SCHIP1: variants seen among roughly 807,000 people sequenced by gnomAD.
SCHIP1 encodes the protein schwannomin interacting protein 1, also known as schwannomin-interacting protein 1.
Under a neutral mutation model 29.7 loss-of-function variants are expected in SCHIP1, and 8 were observed. The observed-to-expected ratio is 0.27, with a 90% CI of 0.16 to 0.49. The LOEUF (loss-of-function observed/expected upper bound fraction) is 0.49, where lower values mean the gene tolerates loss of function less well. SCHIP1 is among the 20% of genes least tolerant of loss of function. SCHIP1 has a pLI of 0.99. For synonymous variants in SCHIP1, 76 were observed against 94.9 expected (o/e 0.80, Z 1.16); for missense variants, 193 against 294.6 (o/e 0.66, Z 2.52).
chr3:159,563,040 T>A, the SCHIP1 span, among the ~76,000 whole-genome samples: 1 of 152,314 alleles, frequency 6.6e-6, no homozygotes, highest in Non-Finnish European at 1.5e-5. Flanking sequence ...GTGTTTGACA[T>A]CTTTAGATAT....
chr3:159,465,315 T>TTG, the SCHIP1 span, among the ~76,000 whole-genome samples: 39,746 of 148,216 alleles, frequency 0.27, 5,233 homozygotes, highest in East Asian at 0.34. Flanking sequence ...ATGTGTATGA[T>TTG]TGTGTGTGTG....
chr3:159,617,173 G>C, the SCHIP1 span, among the ~76,000 whole-genome samples: 1 of 152,298 alleles, frequency 6.6e-6, no homozygotes, highest in East Asian at 1.9e-4. Flanking sequence ...GAGAGCTAGA[G>C]ATATCTGGTA....
the SCHIP1 span, among the ~76,000 whole-genome samples, chr3:159,508,818 C>T: frequency 0.52 from 79,400 of 151,856 alleles, 21,048 homozygotes; most frequent in East Asian, 0.68. Flanking sequence ...TTTGATTGCA[C>T]TGTGGTCTGA....
At chr3:159,766,701 T>G in the SCHIP1 span, among the ~76,000 whole-genome samples, 1 of 152,174 alleles carries the variant, frequency 6.6e-6, no homozygotes, top group African/African-American at 2.4e-5. Flanking sequence ...ACAAATTGTT[T>G]TTGAGCACCC....
chr3:159,640,806 T>C, the SCHIP1 span, among the ~76,000 whole-genome samples: 2 of 152,132 alleles, frequency 1.3e-5, no homozygotes, highest in South Asian at 4.1e-4. Flanking sequence ...TGGGGATTGA[T>C]AGATGCTGTG....
At chr3:159,679,660 A>AT in the SCHIP1 span, among the ~76,000 whole-genome samples, 1 of 151,924 alleles carries the variant, frequency 6.6e-6, no homozygotes. Flanking sequence ...AGGGAGGGGG[A>AT]TTTTTTAACT....
chr3:159,436,994 C>T, the SCHIP1 span, among the ~76,000 whole-genome samples: 1 of 152,116 alleles, frequency 6.6e-6, no homozygotes, highest in East Asian at 1.9e-4. Flanking sequence ...TTATAGATGC[C>T]CAATTACTGA....
At chr3:159,623,208 A>G in the SCHIP1 span, among the ~76,000 whole-genome samples, 1 of 152,224 alleles carries the variant, frequency 6.6e-6, no homozygotes, top group African/African-American at 2.4e-5. Context: ...TATACTATAG[A>G]TATAATTGTG....
chr3:159,758,432 T>C, the SCHIP1 span, among the ~76,000 whole-genome samples: 1 of 152,210 alleles, frequency 6.6e-6, no homozygotes, highest in African/African-American at 2.4e-5. Flanking sequence ...ATTACAGGCG[T>C]GAGCCACCAC....
chr3:159,380,455 A>G, the SCHIP1 span, among the ~76,000 whole-genome samples: 3 of 152,198 alleles, frequency 2.0e-5, no homozygotes, highest in African/African-American at 7.2e-5. Flanking sequence ...GGTCAGATAG[A>G]ACTTATTTCT....
At chr3:159,474,649 G>C in the SCHIP1 span, among the ~76,000 whole-genome samples, 1 of 152,100 alleles carries the variant, frequency 6.6e-6, no homozygotes, top group Non-Finnish European at 1.5e-5. Flanking sequence ...GAGCCAGACA[G>C]GTAACATAAA....
chr3:159,714,306 T>A, the SCHIP1 span, among the ~76,000 whole-genome samples: 1 of 152,068 alleles, frequency 6.6e-6, no homozygotes, highest in Admixed American at 6.5e-5. Context: ...AGTCTACAAC[T>A]CCCAGCATGA....
At chr3:159,801,540 A>G in the SCHIP1 span, among the ~76,000 whole-genome samples, 1 of 152,198 alleles carries the variant, frequency 6.6e-6, no homozygotes, top group Admixed American at 6.5e-5. Context: ...TATCACTTTT[A>G]TGGTAAGCAG....
the SCHIP1 span, among the ~76,000 whole-genome samples, chr3:159,689,042 G>C: frequency 6.6e-6 from 1 of 152,182 alleles, no homozygotes; most frequent in African/African-American, 2.4e-5. Flanking sequence ...CATGCCTCCA[G>C]CTTTGTTCTT....
chr3:159,594,801 A>G, the SCHIP1 span, among the ~76,000 whole-genome samples: 1 of 152,180 alleles, frequency 6.6e-6, no homozygotes, highest in Non-Finnish European at 1.5e-5. Context: ...TCAGTCTGCT[A>G]AGTCCTTCAA....
At chr3:159,637,113 A>G in the SCHIP1 span, among the ~76,000 whole-genome samples, 1 of 152,216 alleles carries the variant, frequency 6.6e-6, no homozygotes, top group African/African-American at 2.4e-5. Flanking sequence ...AGTAAATAGC[A>G]AATCACTGTA....
At chr3:159,434,401 T>C in the SCHIP1 span, among the ~76,000 whole-genome samples, 2 of 152,072 alleles carry the variant, frequency 1.3e-5, no homozygotes, top group African/African-American at 4.8e-5. Context: ...AATAGTGACC[T>C]AAACCTTAAG....
chr3:159,311,522 T>C, the SCHIP1 span, among the ~76,000 whole-genome samples: 2 of 152,148 alleles, frequency 1.3e-5, no homozygotes, highest in South Asian at 4.1e-4. Context: ...TTATGGCTAA[T>C]AATCTATAAT....
At chr3:159,297,676 A>G in the SCHIP1 span, among the ~76,000 whole-genome samples, 2 of 152,326 alleles carry the variant, frequency 1.3e-5, no homozygotes, top group East Asian at 1.9e-4. Flanking sequence ...GTTTGCTTCT[A>G]TATTTCAGAT....
Sources: gnomAD v4.1 joint callset for allele counts (sites outside exome capture counted in the v4.1 genomes callset) on GRCh38, gnomAD v4.1.1 for gene constraint, MANE v1.5 for transcripts, NCBI Gene and HGNC (gene_info 2026-07-23, HGNC 2026-07-21) for gene names.